Variants in KCNMB4 observed in about 807,000 individuals in gnomAD.
The protein encoded by KCNMB4 is calcium-activated potassium channel subunit beta-4.
A neutral mutation model predicts 20.7 loss-of-function variants in KCNMB4; 3 were observed. The ratio of observed to expected loss-of-function variants is 0.14; its 90% CI spans 0.07 to 0.37. KCNMB4 has a LOEUF of 0.37. KCNMB4 is among the 10% of genes least tolerant of loss of function. KCNMB4 has a pLI of 1.00. For missense variants in KCNMB4, 168 were observed against 265.9 expected, an observed-to-expected ratio of 0.63 and a Z score of 2.56; for synonymous variants, 110 against 113.4, an observed-to-expected ratio of 0.97 and a Z score of 0.19.
At chr12:70,421,811 G>A (rs1253141661) in intron 2 of KCNMB4, among the ~76,000 whole-genome samples, 5 of 151,060 alleles carry the variant, frequency 3.3e-5, no homozygotes, top group African/African-American at 1.2e-4. Flanking sequence ...TTGACCCCCT[G>A]ACCTCTTGAT....
chr12:70,369,912 A>G (rs1883560636), intron 1 of KCNMB4, among the ~76,000 whole-genome samples: 1 of 152,162 alleles, frequency 6.6e-6, no homozygotes, highest in African/African-American at 2.4e-5. Context: ...AACCATAGCA[A>G]AATCTAAATT....
chr12:70,415,334 T>G (rs866268288), intron 2 of KCNMB4, among the ~76,000 whole-genome samples: 1 of 152,188 alleles, frequency 6.6e-6, no homozygotes, highest in Admixed American at 6.5e-5. Context: ...GAACTAACCA[T>G]GGTGAATCTT....
intron 1 of KCNMB4, among the ~76,000 whole-genome samples, chr12:70,367,661 G>A (rs1011979379): frequency 6.6e-6 from 1 of 151,992 alleles, no homozygotes; most frequent in South Asian, 2.1e-4. Context: ...GGTCCATTTT[G>A]GGAAGTACAG....
chr12:70,422,827 A>AT (rs1261671811), intron 2 of KCNMB4: 3 of 1,248,084 alleles, frequency 2.4e-6, no homozygotes, highest in African/African-American at 3.1e-5. Context: ...CGACAGATGG[A>AT]TAAAAAATAA....
chr12:70,378,198 TGCCTGCCTTG>T (rs1000297048), intron 1 of KCNMB4, among the ~76,000 whole-genome samples: 9 of 152,088 alleles, frequency 5.9e-5, no homozygotes, highest in African/African-American at 2.2e-4. Flanking sequence ...TCAAATGATC[TGCCTGCCTTG>T]GCCTCCCAAA....
chr12:70,417,107 G>A (rs899059467), intron 2 of KCNMB4, among the ~76,000 whole-genome samples: 1 of 152,186 alleles, frequency 6.6e-6, no homozygotes, highest in Non-Finnish European at 1.5e-5. Context: ...AAATTGTGGT[G>A]ATGGGTAGAT....
At chr12:70,420,670 A>G (rs1869027034) in intron 2 of KCNMB4, among the ~76,000 whole-genome samples, 1 of 152,224 alleles carries the variant, frequency 6.6e-6, no homozygotes, top group African/African-American at 2.4e-5. Flanking sequence ...TAGAGCAGCA[A>G]TAGGAAATAG....
intron 1 of KCNMB4, among the ~76,000 whole-genome samples, chr12:70,370,771 CA>C (rs57014123): frequency 1.2e-3 from 169 of 141,490 alleles, no homozygotes; most frequent in Non-Finnish European, 1.6e-3. Context: ...ATTGGATGGC[CA>C]AAAAAAAAAA....
In KCNMB4 at chr12:70,366,712, C is replaced by A; in HGVS notation, c.-23C>A. On this transcript the variant is annotated 5_prime_UTR_variant, in exon 1 of 3. Coordinates refer to ENST00000258111, the MANE Select transcript of KCNMB4 (RefSeq NM_014505.6). Reference sequence around the variant, plus strand: ...GGCGGGAGGGGGCGGGGGGAGCACGCCAGCCGCCGAGAGTGGGGGGCGATG... The same window carrying A: ...GGCGGGAGGGGGCGGGGGGAGCACGACAGCCGCCGAGAGTGGGGGGCGATG... 21 of 1,524,114 alleles carry A rather than the reference C, an allele frequency of 1.4e-5. No homozygotes were observed. Among genetic ancestry groups the A allele is most frequent in the Non-Finnish European group, 1.8e-5 (21 of 1,137,160 alleles). 94.4% of individuals were successfully genotyped at this position (1,524,114 alleles called of 1,614,324 possible). A position where few individuals can be genotyped will look rare whatever the true frequency, so the allele number is the denominator to read the frequency against.
At chr12:70,374,409 A>C (rs1883651035) in intron 1 of KCNMB4, among the ~76,000 whole-genome samples, 2 of 152,140 alleles carry the variant, frequency 1.3e-5, no homozygotes, top group African/African-American at 2.4e-5. Context: ...TATTACAATT[A>C]CCATAATTAC....
At chr12:70,381,780 C>T (rs989146761) in intron 1 of KCNMB4, among the ~76,000 whole-genome samples, 2 of 152,112 alleles carry the variant, frequency 1.3e-5, no homozygotes, top group African/African-American at 4.8e-5. Context: ...GTAATGAAAA[C>T]ATTCTAAAAT....
At chr12:70,384,469 C>T (rs983911011) in intron 1 of KCNMB4, among the ~76,000 whole-genome samples, 15 of 152,334 alleles carry the variant, frequency 9.8e-5, no homozygotes, top group Middle Eastern at 3.4e-3. Context: ...CAACTTGTCA[C>T]CACGATAATG....
rs759524842 is a variant in KCNMB4, at chr12:70,367,086, G to A, written c.336+16G>A. On this transcript the variant is annotated intron_variant, in intron 1 of 2. Coordinates refer to ENST00000258111, the MANE Select transcript of KCNMB4 (RefSeq NM_014505.6). ...CAACCCCAAGGTAAGAACGCCCCGC[G>A]CACCCAGGGGCTCCCCGCGAGGGAG... The A allele has an allele frequency of 2.0e-6, 3 of 1,488,184 alleles. No individual in the cohort carries two copies. The Admixed American group carries it at 6.4e-5, about 32-fold the overall frequency. 92.2% of individuals were successfully genotyped at this position (1,488,184 alleles called of 1,614,324 possible).
intron 1 of KCNMB4, among the ~76,000 whole-genome samples, chr12:70,396,536 C>T (rs534835381): frequency 2.0e-5 from 3 of 152,272 alleles, no homozygotes; most frequent in African/African-American, 7.2e-5. Flanking sequence ...AAACTCCTGA[C>T]CTCAAGTGAT....
chr12:70,399,966 C>A (rs1273599378), intron 1 of KCNMB4, among the ~76,000 whole-genome samples: 2 of 152,064 alleles, frequency 1.3e-5, no homozygotes, highest in Non-Finnish European at 2.9e-5. Flanking sequence ...TTATAAAATA[C>A]CCTTACACCA....
intron 1 of KCNMB4, among the ~76,000 whole-genome samples, chr12:70,374,901 A>G (rs1549977): frequency 0.61 from 92,247 of 152,012 alleles, 29,510 homozygotes; most frequent in East Asian, 0.94. Flanking sequence ...CTAGAAAGTA[A>G]AAATTTAGTC....
At chr12:70,413,509 G>C (rs900829917) in intron 2 of KCNMB4, among the ~76,000 whole-genome samples, 1 of 152,084 alleles carries the variant, frequency 6.6e-6, no homozygotes, top group East Asian at 1.9e-4. Context: ...GGCTCTCTTC[G>C]TGACTTAGTG....
intron 2 of KCNMB4, among the ~76,000 whole-genome samples, chr12:70,401,393 A>C (rs2136130037): frequency 6.6e-6 from 1 of 152,266 alleles, no homozygotes. Context: ...CTTAGTTTAC[A>C]TCCAGATTTC....
At chr12:70,396,679 G>A (rs183418703) in intron 1 of KCNMB4, among the ~76,000 whole-genome samples, 104 of 152,308 alleles carry the variant, frequency 6.8e-4, no homozygotes, top group Non-Finnish European at 1.2e-3. Context: ...ATATTTGCTC[G>A]TTTGAATTAA....
Sources: gnomAD v4.1 joint callset for allele counts (sites outside exome capture counted in the v4.1 genomes callset) on GRCh38, gnomAD v4.1.1 for gene constraint, MANE v1.5 for transcripts, NCBI Gene and HGNC (gene_info 2026-07-23, HGNC 2026-07-21) for gene names.